ASIC2: variants seen among roughly 807,000 people sequenced by gnomAD.
ASIC2 encodes acid sensing ion channel subunit 2.
ASIC2 carries 25 observed loss-of-function variants against 57.3 expected under a neutral mutation model. The ratio of observed to expected loss-of-function variants is 0.44; its 90% CI spans 0.32 to 0.61. ASIC2 has a LOEUF of 0.61. Ranked by LOEUF, ASIC2 falls within the 20% of genes least tolerant of loss-of-function variation. The probability of loss-of-function intolerance (pLI) is 0.06; values close to 1 mark genes in which losing one functional copy is unlikely to be tolerated. For missense variants in ASIC2, 641 were observed against 738.1 expected (o/e 0.87, Z 1.52); for synonymous variants, 319 against 307.5 (o/e 1.04, Z -0.39).
At chr17:33,902,082 T>A (rs533906349) in intron 1 of ASIC2, among the ~76,000 whole-genome samples, 48 of 152,228 alleles carry the variant, frequency 3.2e-4, no homozygotes, top group African/African-American at 1.1e-3. Flanking sequence ...TCAATGCGCT[T>A]GTATGAGACC....
intron 3 of ASIC2, among the ~76,000 whole-genome samples, chr17:33,035,867 A>AT (rs1291283811): frequency 2.0e-5 from 3 of 152,062 alleles, no homozygotes; most frequent in Non-Finnish European, 2.9e-5. Context: ...CTTTTCTAGG[A>AT]TTTTCCCTTC....
At chr17:33,863,100 G>A (rs915511883) in intron 1 of ASIC2, among the ~76,000 whole-genome samples, 5 of 152,232 alleles carry the variant, frequency 3.3e-5, no homozygotes, top group Non-Finnish European at 5.9e-5. Context: ...TGACCTCAAG[G>A]GAGCCAGCTT....
At chr17:33,210,533 A>C (rs543140140) in intron 1 of ASIC2, among the ~76,000 whole-genome samples, 2 of 152,300 alleles carry the variant, frequency 1.3e-5, no homozygotes, top group South Asian at 4.1e-4. Flanking sequence ...GTGAAAGCTC[A>C]GCCCATATGG....
chr17:33,653,362 A>G (rs1431441226), intron 1 of ASIC2, among the ~76,000 whole-genome samples: 1 of 152,242 alleles, frequency 6.6e-6, no homozygotes, highest in Non-Finnish European at 1.5e-5. Flanking sequence ...AGTATTTATC[A>G]TCATTTGACC....
At chr17:33,278,082 G>A (rs914963091) in intron 1 of ASIC2, among the ~76,000 whole-genome samples, 1 of 152,056 alleles carries the variant, frequency 6.6e-6, no homozygotes, top group Non-Finnish European at 1.5e-5. Context: ...TCCCTGCATA[G>A]TTTCCCCCTC....
intron 1 of ASIC2, among the ~76,000 whole-genome samples, chr17:33,242,352 A>T (rs2142120887): frequency 6.6e-6 from 1 of 152,226 alleles, no homozygotes; most frequent in Non-Finnish European, 1.5e-5. Context: ...TCTTCAATGA[A>T]TCAGAAAGTC....
intron 1 of ASIC2, among the ~76,000 whole-genome samples, chr17:34,000,010 A>C (rs1252085160): frequency 6.6e-6 from 1 of 150,654 alleles, no homozygotes; most frequent in African/African-American, 2.4e-5. Context: ...TCTCAAGGAC[A>C]GCTTTCTTAA....
At chr17:33,763,347 C>T (rs1303094157) in intron 1 of ASIC2, among the ~76,000 whole-genome samples, 4 of 152,186 alleles carry the variant, frequency 2.6e-5, no homozygotes, top group Non-Finnish European at 5.9e-5. Flanking sequence ...TCACTTAATT[C>T]AGATCAGCAG....
rs144835566 is a variant in ASIC2, at chr17:33,633,345, A to G, written c.556-521278T>C. 6.2e-3 allele frequency among the ~76,000 whole-genome samples: 944 copies of G among 152,314 alleles called. 12 individuals carry two copies. The highest frequency in any genetic ancestry group is 0.019 in the African/African-American group (776 of 41,568). The stretch of plus-strand genomic sequence containing the variant: ...TGGGCAGCCCTGACATCTGGACACA[A>G]TGCAGAGGGCAGATCACGAGTGGAC... On this transcript the variant is annotated intron_variant, in intron 1 of 9. Transcript: ENST00000359872.
At chr17:33,742,195 T>C (rs1211041113) in intron 1 of ASIC2, among the ~76,000 whole-genome samples, 1 of 152,206 alleles carries the variant, frequency 6.6e-6, no homozygotes, top group Non-Finnish European at 1.5e-5. Context: ...TCTACTGTAC[T>C]TGCATAGACT....
intron 1 of ASIC2, among the ~76,000 whole-genome samples, chr17:33,499,729 G>T (rs546356760): frequency 1.1e-4 from 16 of 152,362 alleles, no homozygotes; most frequent in African/African-American, 3.6e-4. Flanking sequence ...AGAGTGACAC[G>T]TAACTTTTGC....
intron 1 of ASIC2, among the ~76,000 whole-genome samples, chr17:34,045,359 C>T (rs558653788): frequency 1.2e-4 from 19 of 152,282 alleles, no homozygotes; most frequent in African/African-American, 2.4e-4. Flanking sequence ...TACTTCTACA[C>T]GAATTAACAC....
chr17:33,678,209 A>C (rs1038249101), intron 1 of ASIC2, among the ~76,000 whole-genome samples: 6 of 152,204 alleles, frequency 3.9e-5, no homozygotes, highest in Admixed American at 2.6e-4. Flanking sequence ...TTTTTTAGAC[A>C]TACTGCTATT....
intron 1 of ASIC2, among the ~76,000 whole-genome samples, chr17:34,086,602 T>C (rs1443772885): frequency 6.6e-6 from 1 of 152,208 alleles, no homozygotes; most frequent in Admixed American, 6.5e-5. Flanking sequence ...CTTGTTAACT[T>C]TGTGTCTCAC....
intron 1 of ASIC2, among the ~76,000 whole-genome samples, chr17:33,735,404 T>C (rs538270712): frequency 1.3e-5 from 2 of 152,148 alleles, no homozygotes; most frequent in Non-Finnish European, 2.9e-5. Flanking sequence ...CACTGTATTA[T>C]TCCTGACTGT....
chr17:33,768,242 G>A (rs1319315240), intron 1 of ASIC2, among the ~76,000 whole-genome samples: 2 of 151,932 alleles, frequency 1.3e-5, no homozygotes, highest in Non-Finnish European at 2.9e-5. Context: ...TCCTGACCTC[G>A]TGATTCGCCT....
chr17:34,045,088 G>T (rs1402489150), intron 1 of ASIC2, among the ~76,000 whole-genome samples: 1 of 152,120 alleles, frequency 6.6e-6, no homozygotes, highest in East Asian at 1.9e-4. Flanking sequence ...GAGGAATGTG[G>T]ACGTGGCACC....
intron 1 of ASIC2, among the ~76,000 whole-genome samples, chr17:34,035,096 C>T (rs1273726004): frequency 6.6e-6 from 1 of 150,680 alleles, no homozygotes; most frequent in Non-Finnish European, 1.5e-5. Context: ...ATCACGCTAC[C>T]TGACTTCAAA....
At chr17:34,045,371 C>G (rs1908297939) in intron 1 of ASIC2, among the ~76,000 whole-genome samples, 1 of 152,210 alleles carries the variant, frequency 6.6e-6, no homozygotes, top group South Asian at 2.1e-4. Context: ...AATTAACACT[C>G]TTAAAAGAAG....
Sources: gnomAD v4.1 joint callset for allele counts (sites outside exome capture counted in the v4.1 genomes callset) on GRCh38, gnomAD v4.1.1 for gene constraint, MANE v1.5 for transcripts, NCBI Gene and HGNC (gene_info 2026-07-23, HGNC 2026-07-21) for gene names.